The following KLHL5 variants were observed in gnomAD, a reference collection of about 807,000 sequenced individuals.
KLHL5 encodes kelch-like protein 5.
Under a neutral mutation model 77.7 loss-of-function variants are expected in KLHL5, and 48 were observed. The ratio of observed to expected loss-of-function variants is 0.62; its 90% CI spans 0.49 to 0.79. The LOEUF is 0.79. KLHL5 is among the 30% of genes least tolerant of loss of function. The probability of loss-of-function intolerance (pLI) is 0.00; values close to 1 mark genes in which losing one functional copy is unlikely to be tolerated. For synonymous variants in KLHL5, 260 were observed against 297.0 expected, an observed-to-expected ratio of 0.88 and a Z score of 1.28; for missense variants, 723 against 859.7, an observed-to-expected ratio of 0.84 and a Z score of 1.99.
chr4:39,069,479 C>CAT (rs1718248560), intron 1 of KLHL5, among the ~76,000 whole-genome samples: 2 of 128,664 alleles, frequency 1.6e-5, no homozygotes, highest in African/African-American at 6.0e-5. Context: ...TATATACACA[C>CAT]ACACACACAC....
intron 8 of KLHL5, among the ~76,000 whole-genome samples, chr4:39,111,233 C>T (rs1170844913): frequency 6.6e-6 from 1 of 152,124 alleles, no homozygotes; most frequent in Admixed American, 6.5e-5. Flanking sequence ...CCATGATTAT[C>T]ATGTACTAGG....
chr4:39,072,238 A>G (rs1001725375), intron 1 of KLHL5, among the ~76,000 whole-genome samples: 4 of 148,112 alleles, frequency 2.7e-5, no homozygotes, highest in East Asian at 1.9e-4. Flanking sequence ...GCAGGGTTCT[A>G]CTAACAATAG....
At chr4:39,065,448 C>T (rs1485731643) in intron 1 of KLHL5, among the ~76,000 whole-genome samples, 5 of 151,366 alleles carry the variant, frequency 3.3e-5, no homozygotes, top group Admixed American at 6.6e-5. Context: ...CTCTGCCTCC[C>T]GTTCAAGCCA....
At chr4:39,131,567 A>G (rs1723802250), downstream of KLHL5, among the ~76,000 whole-genome samples, 1 of 152,140 alleles carries the variant, frequency 6.6e-6, no homozygotes, top group Non-Finnish European at 1.5e-5. Flanking sequence ...AAGCACAGAC[A>G]AAATTTTCAG....
intron 8 of KLHL5, among the ~76,000 whole-genome samples, chr4:39,110,108 C>T (rs1722345458): frequency 6.6e-6 from 1 of 152,138 alleles, no homozygotes; most frequent in African/African-American, 2.4e-5. Flanking sequence ...AAAAATACCT[C>T]AACATTTAAA....
exon 1 of KLHL5, chr4:39,045,055 C>A (rs1334762522): frequency 1.0e-6 from 1 of 993,740 alleles, no homozygotes; most frequent in South Asian, 4.4e-5. Context: ...CCTGGCCGCC[C>A]CGGCCCGCCG....
intron 2 of KLHL5, among the ~76,000 whole-genome samples, chr4:39,079,210 C>G (rs1719380819): frequency 6.6e-6 from 1 of 152,204 alleles, no homozygotes; most frequent in African/African-American, 2.4e-5. Flanking sequence ...GGTCTCCCTG[C>G]CTCCACTCTT....
chr4:39,048,403 A>G (rs188534007), intron 1 of KLHL5, among the ~76,000 whole-genome samples: 123 of 152,316 alleles, frequency 8.1e-4, no homozygotes, highest in African/African-American at 2.5e-3. Context: ...CATTTATGAG[A>G]AAGGGGTTTG....
chr4:39,081,363 C>A lies in KLHL5; in HGVS notation c.703+124C>A. ...TAGTTCTGCTATTGTCATTACTACCCTTTGTATTTAACCTGGTGATGAATT... is the reference window on the plus strand; with the variant it reads ...TAGTTCTGCTATTGTCATTACTACCATTTGTATTTAACCTGGTGATGAATT... On this transcript the variant is annotated intron_variant, in intron 3 of 10. Coordinates refer to ENST00000504108, the MANE Select transcript of KLHL5 (RefSeq NM_015990.5). The surrounding 1 kb of genome is among the most constrained non-coding windows in gnomAD (Gnocchi z 4.3). 3.0e-6 allele frequency: 2 copies of A among 668,410 alleles called. No homozygotes were observed. Among genetic ancestry groups the A allele is most frequent in the Non-Finnish European group, 4.6e-6 (2 of 439,380 alleles). 41.4% of individuals were successfully genotyped at this position (668,410 alleles called of 1,614,324 possible).
intron 1 of KLHL5, among the ~76,000 whole-genome samples, chr4:39,068,145 A>G (rs1053711474): frequency 6.6e-6 from 1 of 152,272 alleles, no homozygotes; most frequent in East Asian, 1.9e-4. Flanking sequence ...ACAAGAGGTT[A>G]TCTGCATAAT....
chr4:39,092,373 G>A (rs761005062), intron 5 of KLHL5, among the ~76,000 whole-genome samples: 5 of 152,056 alleles, frequency 3.3e-5, no homozygotes, highest in African/African-American at 4.8e-5. Flanking sequence ...GATACTATCT[G>A]TATATTAGGA....
At chr4:39,092,972 T>A (rs1720727065) in intron 5 of KLHL5, 1 of 387,350 alleles carries the variant, frequency 2.6e-6, no homozygotes, top group Non-Finnish European at 5.1e-6. Context: ...AAACATAAAT[T>A]TGCCATATGC....
At chr4:39,133,748 T>C in the KLHL5 span, among the ~76,000 whole-genome samples, 1 of 152,158 alleles carries the variant, frequency 6.6e-6, no homozygotes, top group East Asian at 1.9e-4. Flanking sequence ...TATAGCTCTA[T>C]AGTCAGCAAA....
chr4:39,135,225 G>A, the KLHL5 span: 7 of 152,284 alleles, frequency 4.6e-5, no homozygotes, highest in African/African-American at 1.7e-4. Context: ...ATTACTGAAG[G>A]CACAGAAAGC....
chr4:39,116,115 G>A (rs2890663), intron 10 of KLHL5: 423,423 of 765,018 alleles, frequency 0.55, 118,231 homozygotes, highest in Admixed American at 0.59. Flanking sequence ...GGCAGATCAC[G>A]AGGTCAGGAG....
intron 7 of KLHL5, among the ~76,000 whole-genome samples, chr4:39,103,808 A>G (rs1721804434): frequency 6.8e-6 from 1 of 147,324 alleles, no homozygotes; most frequent in Non-Finnish European, 1.5e-5. Context: ...AAAATTTAAA[A>G]ATTAGCTGGG....
rs1278617875 is a variant in KLHL5 at position 39,122,002 on chromosome 4, T to G, written c.*936T>G. ...TTATGTTTTGCCACAGTTAACCCATTGTGCTTCTTTGTAATCAAACAGTTT... is the reference window on the plus strand; with the variant it reads ...TTATGTTTTGCCACAGTTAACCCATGGTGCTTCTTTGTAATCAAACAGTTT... On this transcript the variant is annotated 3_prime_UTR_variant, in exon 11 of 11. Transcript: ENST00000504108. 2.6e-5 allele frequency: 4 copies of G among 152,654 alleles called. No individual in the cohort carries two copies. Among genetic ancestry groups the G allele is most frequent in the Non-Finnish European group, 1.5e-5 (1 of 68,036 alleles). The allele number at this position is 152,654 out of a possible 1,614,324, so 9.5% of individuals were successfully genotyped here.
intron 1 of KLHL5, chr4:39,063,607 GTC>G (rs1331799966): frequency 2.3e-6 from 1 of 443,422 alleles, no homozygotes; most frequent in Non-Finnish European, 4.6e-6. Context: ...TAAGTAACAT[GTC>G]TCTAAGATGA....
At position 39,081,008 on chromosome 4, in the gene KLHL5, CTG is replaced by C; in HGVS notation, c.567-92_567-91del. The C allele has an allele frequency of 3.2e-6, 4 of 1,253,808 alleles. No homozygotes were observed. The highest frequency in any genetic ancestry group is 4.5e-6 in the Non-Finnish European group (4 of 894,708). The allele number at this position is 1,253,808 out of a possible 1,614,324, so 77.7% of individuals were successfully genotyped here. ...AAAATGCATTTCCTAGTACCATGCA[CTG>C]TGAGTAACAAATAAAAAAGAAGCAG... On this transcript the variant is annotated intron_variant, in intron 2 of 10. Coordinates refer to ENST00000504108, the MANE Select transcript of KLHL5 (RefSeq NM_015990.5). The surrounding 1 kb of genome is among the most constrained non-coding windows in gnomAD (Gnocchi z 4.3).
Sources: allele counts gnomAD v4.1 joint callset (sites outside exome capture counted in the v4.1 genomes callset), GRCh38; gene constraint gnomAD v4.1.1; non-coding constraint Gnocchi (gnomAD v3.1); transcripts MANE v1.5; gene names NCBI Gene and HGNC (gene_info 2026-07-23, HGNC 2026-07-21).